The following RIMS2 variants were observed in gnomAD, a reference collection of about 807,000 sequenced individuals.
RIMS2 encodes the protein regulating synaptic membrane exocytosis 2, also known as regulating synaptic membrane exocytosis protein 2.
RIMS2 carries 59 observed loss-of-function variants against 174.4 expected under a neutral mutation model. The observed-to-expected ratio is 0.34, with a 90% confidence interval of 0.27 to 0.42. The LOEUF (loss-of-function observed/expected upper bound fraction) is 0.42. Ranked by LOEUF, RIMS2 falls within the 10% of genes least tolerant of loss-of-function variation. The pLI is 1.00. For synonymous variants in RIMS2, 606 were observed against 572.5 expected (o/e 1.06, Z -0.84); for missense variants, 1,620 against 1,666.3 (o/e 0.97, Z 0.48).
chr8:103,931,559 A>G (rs1014887838), intron 12 of RIMS2, among the ~76,000 whole-genome samples, 166 bp downstream of exon 14: 2 of 152,078 alleles, frequency 1.3e-5, no homozygotes, highest in African/African-American at 4.8e-5. Context: ...AGTAAATAAG[A>G]TTTTTTAAAA....
intron 19 of RIMS2, among the ~76,000 whole-genome samples, chr8:104,031,370 G>A (rs1156902796): frequency 6.6e-6 from 1 of 151,842 alleles, no homozygotes; most frequent in Non-Finnish European, 1.5e-5. Flanking sequence ...CATAAACTAA[G>A]AAAAGACCTT....
chr8:103,913,043 G>A (rs181359185), intron 6 of RIMS2, among the ~76,000 whole-genome samples: 185 of 147,410 alleles, frequency 1.3e-3, no homozygotes, highest in African/African-American at 4.4e-3. Flanking sequence ...CATGATCTCG[G>A]GTCACTGCAA....
rs150563308 is a variant in RIMS2 at position 103,507,269 on chromosome 8, A to G, written c.176+6207A>G. On this transcript the variant is annotated intron_variant, in intron 1 of 23. Coordinates refer to ENST00000504942, the Ensembl canonical transcript of RIMS2. ...ATGTAGATTCTCTCCATTATTCTTT[A>G]TAACAATACCTTTTATATTTCCCCA... Among the ~76,000 whole-genome samples the G allele has an allele frequency of 6.4e-3, 978 of 152,166 alleles. 11 individuals are homozygous for G. The highest frequency in any genetic ancestry group is 8.4e-3 in the Non-Finnish European group (573 of 67,926).
chr8:103,603,332 A>C (rs1187994932), intron 1 of RIMS2, among the ~76,000 whole-genome samples: 7 of 151,526 alleles, frequency 4.6e-5, no homozygotes, highest in African/African-American at 1.7e-4. Context: ...TGAACTCATC[A>C]TGTTTTATGG....
intron 2 of RIMS2, among the ~76,000 whole-genome samples, chr8:103,756,394 T>C (rs562073487): frequency 6.6e-6 from 1 of 151,200 alleles, no homozygotes; most frequent in Non-Finnish European, 1.5e-5. Context: ...GTTTTTGTTT[T>C]TTTTTTTTTG....
intron 19 of RIMS2, among the ~76,000 whole-genome samples, chr8:104,210,561 C>A (rs1289841436): frequency 6.6e-6 from 1 of 152,162 alleles, no homozygotes; most frequent in Non-Finnish European, 1.5e-5. Flanking sequence ...CTCTCCTGAT[C>A]TCTACATACA....
At chr8:103,593,084 T>C (rs2094334455) in intron 1 of RIMS2, among the ~76,000 whole-genome samples, 1 of 151,504 alleles carries the variant, frequency 6.6e-6, no homozygotes, top group African/African-American at 2.4e-5. Flanking sequence ...TGAACCAAGT[T>C]GAGCCTGTCA....
At chr8:103,781,738 C>CTTTT (rs11308922) in intron 3 of RIMS2, among the ~76,000 whole-genome samples, 2 of 88,464 alleles carry the variant, frequency 2.3e-5, no homozygotes, top group Non-Finnish European at 4.4e-5. Context: ...CTCCCCTAAT[C>CTTTT]TTTTTTTTTT....
At chr8:103,618,704 G>C (rs1043492043) in intron 1 of RIMS2, among the ~76,000 whole-genome samples, 2 of 152,020 alleles carry the variant, frequency 1.3e-5, no homozygotes, top group Non-Finnish European at 2.9e-5. Flanking sequence ...GTAGTATCCT[G>C]TCATCTTCAC....
At position 103,894,964 on chromosome 8, in the gene RIMS2, T is replaced by C. The variant is rs1284283391; in HGVS notation, c.1624+8741T>C. 2.6e-5 allele frequency among the ~76,000 whole-genome samples: 4 copies of C among 151,766 alleles called. No individual in the cohort carries two copies. In the South Asian group the frequency reaches 8.3e-4, roughly 31 times the overall value. ...TTTTCTAAAAATGAGAAAATAATCATTAATACTTTTTTAACTTTGAAAAAC... is the reference window on the plus strand; with the variant it reads ...TTTTCTAAAAATGAGAAAATAATCACTAATACTTTTTTAACTTTGAAAAAC... On this transcript the variant is annotated intron_variant, in intron 4 of 23. Transcript: ENST00000504942.
At chr8:103,867,886 A>C (rs1405624805) in intron 3 of RIMS2, among the ~76,000 whole-genome samples, 1 of 152,026 alleles carries the variant, frequency 6.6e-6, no homozygotes, top group East Asian at 1.9e-4. Context: ...CACTTTCTGG[A>C]GATGCCTGCT....
chr8:103,987,418 T>A (rs1292638388), intron 16 of RIMS2, among the ~76,000 whole-genome samples: 1 of 152,164 alleles, frequency 6.6e-6, no homozygotes, highest in African/African-American at 2.4e-5. Flanking sequence ...GGGAAATAAA[T>A]CTTATCAGAG....
intron 19 of RIMS2, among the ~76,000 whole-genome samples, chr8:104,163,609 CAGT>C (rs1361408548): frequency 1.3e-5 from 2 of 152,190 alleles, no homozygotes; most frequent in Admixed American, 1.3e-4. Context: ...GGAAGAGAGG[CAGT>C]AGTTTCTAAT....
intron 14 of RIMS2, among the ~76,000 whole-genome samples, chr8:103,949,907 A>C (rs1466637242): frequency 1.3e-5 from 2 of 152,140 alleles, no homozygotes; most frequent in African/African-American, 4.8e-5. Context: ...TCAGCAAAGA[A>C]AGAAGACAAA....
rs143014954 is a variant in RIMS2 at position 103,722,973 on chromosome 8, A to G, written c.387+25677A>G. 4.0e-3 allele frequency among the ~76,000 whole-genome samples: 608 copies of G among 152,272 alleles called. 6 individuals are homozygous for G. Among genetic ancestry groups the G allele is most frequent in the Admixed American group, 6.7e-3 (102 of 15,298 alleles). On this transcript the variant is annotated intron_variant, in intron 2 of 23. Transcript: ENST00000504942. ...TAAAAAATGCAACAATTAGCCGGGC[A>G]TGGTGGGGCACACCTGTAATCCCAG...
chr8:103,852,246 A>G (rs755549366), intron 3 of RIMS2, among the ~76,000 whole-genome samples: 1 of 152,008 alleles, frequency 6.6e-6, no homozygotes, highest in Non-Finnish European at 1.5e-5. Flanking sequence ...AGAAAATAGT[A>G]TAGATATAAT....
chr8:103,614,842 G>A (rs542394175), intron 1 of RIMS2, among the ~76,000 whole-genome samples: 2 of 152,244 alleles, frequency 1.3e-5, no homozygotes, highest in Admixed American at 6.5e-5. Context: ...TACATGTTTC[G>A]GGACAGTGCT....
chr8:103,820,489 T>C (rs16870733), intron 3 of RIMS2, among the ~76,000 whole-genome samples: 18,852 of 151,922 alleles, frequency 0.12, 1,272 homozygotes, highest in Middle Eastern at 0.22. Context: ...GCATAAAATA[T>C]TGAGTGGTTT....
At chr8:104,234,420 A>T (rs2099248183) in intron 19 of RIMS2, among the ~76,000 whole-genome samples, 2 of 140,440 alleles carry the variant, frequency 1.4e-5, no homozygotes, top group African/African-American at 2.8e-5. Context: ...CTGAAAGTTT[A>T]AAAAAAAAAA....
Sources: allele counts gnomAD v4.1 joint callset (sites outside exome capture counted in the v4.1 genomes callset), GRCh38; gene constraint gnomAD v4.1.1; transcripts MANE v1.5; gene names NCBI Gene and HGNC (gene_info 2026-07-23, HGNC 2026-07-21).